The following TRAF7 variants were observed in gnomAD, a reference collection of about 807,000 sequenced individuals.
The protein encoded by TRAF7 is E3 ubiquitin-protein ligase TRAF7.
A neutral mutation model predicts 89.3 loss-of-function variants in TRAF7; 45 were observed. The ratio of observed to expected loss-of-function variants is 0.50; its 90% CI spans 0.40 to 0.65. TRAF7 has a LOEUF of 0.65. Among genes scored for constraint, TRAF7 ranks in the 30% least tolerant of loss-of-function variants. The pLI, the probability that TRAF7 is intolerant of heterozygous loss-of-function variation, is 0.00. For missense variants in TRAF7, 677 were observed against 918.1 expected, an observed-to-expected ratio of 0.74 and a Z score of 3.39; for synonymous variants, 406 against 369.2, an observed-to-expected ratio of 1.10 and a Z score of -1.14.
At chr16:2,165,803 A>G (rs1303353821) in intron 2 of TRAF7, 76 bp from the exon 3 acceptor site, 1 of 1,575,606 alleles carries the variant, frequency 6.3e-7, no homozygotes. Context: ...CGTGTTAGGC[A>G]TGTGAGTGGG....
chr16:2,175,725 C>T (rs1189238771), intron 17 of TRAF7, 103 bp downstream of exon 17: 2 of 1,587,734 alleles, frequency 1.3e-6, no homozygotes, highest in Non-Finnish European at 1.7e-6. Flanking sequence ...CTTCGCACAT[C>T]CCCTGGCTGG....
chr16:2,166,539 G>A (rs1212008270), intron 3 of TRAF7, among the ~76,000 whole-genome samples: 38 of 152,012 alleles, frequency 2.5e-4, no homozygotes, highest in Non-Finnish European at 2.9e-5. Flanking sequence ...CAGGTAGCTG[G>A]GACCACAGGC....
chr16:2,168,313 C>T lies in TRAF7; in HGVS notation c.231+145C>T. On this transcript the variant is annotated intron_variant, in intron 4 of 20. Transcript: ENST00000326181. The surrounding 1 kb of genome is among the most constrained non-coding windows in gnomAD (Gnocchi z 4.1). ...ACCTGTGGATACCCTGAGGCCTCGG[C>T]AGACATGGCAAGTCTGTGAGAAAGG... 3.2e-6 allele frequency: 2 copies of T among 633,758 alleles called. No homozygotes were observed. Among genetic ancestry groups the T allele is most frequent in the South Asian group, 4.0e-5 (2 of 49,886 alleles). 39.3% of individuals were successfully genotyped at this position (633,758 alleles called of 1,614,324 possible).
Position 2,161,750 on chromosome 16 carries a change from C to T in TRAF7, c.-38-2133C>T, listed in dbSNP as rs930576675. Among the ~76,000 whole-genome samples, 2 of 152,232 alleles carry T rather than the reference C, an allele frequency of 1.3e-5. No individual in the cohort carries two copies. Among genetic ancestry groups the T allele is most frequent in the Non-Finnish European group, 2.9e-5 (2 of 68,032 alleles). ...TCAGGCTATCAGGGCCTTACCCCAG[C>T]TGGGACATCCTCACCCCAAGCACAA... On this transcript the variant is annotated intron_variant, in intron 1 of 20. Coordinates refer to ENST00000326181, the MANE Select transcript of TRAF7 (RefSeq NM_032271.3). The surrounding 1 kb of genome is among the most constrained non-coding windows in gnomAD (Gnocchi z 5.2).
chr16:2,161,106 C>G lies in TRAF7; in HGVS notation c.-38-2777C>G, dbSNP rs1042276604. 1.3e-5 allele frequency among the ~76,000 whole-genome samples: 2 copies of G among 152,126 alleles called. No homozygotes were observed. Among genetic ancestry groups the G allele is most frequent in the Non-Finnish European group, 2.9e-5 (2 of 67,998 alleles). Reference sequence around the variant, plus strand: ...CCAGGGTCCCGCCCGCCTCCATGTCCCTGGCTGGGGCTGAACACTGAACCC... The same window carrying G: ...CCAGGGTCCCGCCCGCCTCCATGTCGCTGGCTGGGGCTGAACACTGAACCC... On this transcript the variant is annotated intron_variant, in intron 1 of 20. Transcript: ENST00000326181. The surrounding 1 kb of genome is among the most constrained non-coding windows in gnomAD (Gnocchi z 5.2).
intron 4 of TRAF7, among the ~76,000 whole-genome samples, chr16:2,170,201 T>G (rs1016143762): frequency 6.6e-6 from 1 of 152,150 alleles, no homozygotes; most frequent in African/African-American, 2.4e-5. Flanking sequence ...CAGCCGTCGC[T>G]CCCTGCCAGC....
Position 2,161,199 on chromosome 16 carries a change from C to G in TRAF7, c.-38-2684C>G, listed in dbSNP as rs2066752835. Among the ~76,000 whole-genome samples, 1 of 135,724 alleles carries G rather than the reference C, an allele frequency of 7.4e-6. No homozygotes were observed. The highest frequency in any genetic ancestry group is 2.7e-5 in the African/African-American group (1 of 37,202). The allele number at this position is 135,724 out of a possible 152,430, so 89.0% of individuals were successfully genotyped here. On this transcript the variant is annotated intron_variant, in intron 1 of 20. Transcript: ENST00000326181. This position sits in a 1 kb window ranked among gnomAD's most constrained non-coding sequence, Gnocchi z 5.2. ...CTTCCCTCCCTCCTTCCGTCCCCCT[C>G]CCTCCCTCCGTCCCCCTGCTTCCCT...
intron 2 of TRAF7, among the ~76,000 whole-genome samples, 170 bp downstream of exon 2, chr16:2,164,171 C>T (rs542563392): frequency 0.026 from 3,086 of 119,042 alleles, 133 homozygotes; most frequent in African/African-American, 0.096. Context: ...CGCGCGCGCG[C>T]GCGCGCGCGC....
chr16:2,170,929 C>G (rs577013585), intron 5 of TRAF7, among the ~76,000 whole-genome samples, 199 bp downstream of exon 5: 2 of 152,356 alleles, frequency 1.3e-5, no homozygotes, highest in East Asian at 3.9e-4. Context: ...TTCCCCCACT[C>G]CCCCTTCTCA....
In TRAF7 at chr16:2,158,184, A is replaced by G. The variant is rs2093043510; in HGVS notation, c.-39+2326A>G. On this transcript the variant is annotated intron_variant, in intron 1 of 20. Transcript: ENST00000326181. This position sits in a 1 kb window ranked among gnomAD's most constrained non-coding sequence, Gnocchi z 4.7. Reference sequence around the variant, plus strand: ...GAGAGCTGTTGGCTGCGTGTGTCTCAGTCCGGCCTTCTCAGTGGGTGGGCA... The same window carrying G: ...GAGAGCTGTTGGCTGCGTGTGTCTCGGTCCGGCCTTCTCAGTGGGTGGGCA... 6.6e-6 allele frequency among the ~76,000 whole-genome samples: 1 copy of G among 152,142 alleles called. No homozygotes were observed. The highest frequency in any genetic ancestry group is 1.5e-5 in the Non-Finnish European group (1 of 68,016).
chr16:2,157,009 G>A (rs763761306), intron 1 of TRAF7, among the ~76,000 whole-genome samples: 4 of 152,130 alleles, frequency 2.6e-5, no homozygotes, highest in Non-Finnish European at 5.9e-5. Context: ...AGCCCACCCT[G>A]CTCTTGGGGG....
intron 6 of TRAF7, 28 bp from the exon 7 acceptor site, chr16:2,171,544 C>T: frequency 6.2e-7 from 1 of 1,613,178 alleles, no homozygotes; most frequent in Non-Finnish European, 8.5e-7. Flanking sequence ...CCCTGCGCCA[C>T]CCTCAAGCCC....
rs557749310 is a variant in TRAF7 at position 2,177,106 on chromosome 16, C to A, written c.*532C>A. On this transcript the variant is annotated 3_prime_UTR_variant, in exon 21 of 21. Coordinates refer to ENST00000326181, the MANE Select transcript of TRAF7 (RefSeq NM_032271.3). ...CTCCCCTCCCTGCTAGGAGGCAACT[C>A]GTCACACCCAAGCTGCTGGCCTCCA... 7.4e-6 allele frequency: 2 copies of A among 269,436 alleles called. No individual in the cohort carries two copies. Among genetic ancestry groups the A allele is most frequent in the Admixed American group, 4.8e-5 (1 of 21,020 alleles). The allele number at this position is 269,436 out of a possible 1,614,324, so 16.7% of individuals were successfully genotyped here.
In TRAF7 at chr16:2,176,398, G is replaced by A. The variant is rs1238695344; in HGVS notation, c.1998+14G>A. 1.9e-6 allele frequency: 3 copies of A among 1,610,402 alleles called. No individual in the cohort carries two copies. Among genetic ancestry groups the A allele is most frequent in the South Asian group, 1.1e-5 (1 of 90,976 alleles). On this transcript the variant is annotated intron_variant, in intron 20 of 20. Transcript: ENST00000326181. ...AGCACTGTGAAGGTCAGTGCCCGTG[G>A]CTCAGGCCATTCAAAGGGGCTGCAC...
At position 2,161,293 on chromosome 16, in the gene TRAF7, C is replaced by T. The variant is rs1461166985; in HGVS notation, c.-38-2590C>T. On this transcript the variant is annotated intron_variant, in intron 1 of 20. Coordinates refer to ENST00000326181, the MANE Select transcript of TRAF7 (RefSeq NM_032271.3). The surrounding 1 kb of genome is among the most constrained non-coding windows in gnomAD (Gnocchi z 5.2). ...TCAGCTGGCGCTCGATGGGGTCTTG[C>T]GCACACCCCACAGATCCTGTGGTGT... Among the ~76,000 whole-genome samples the T allele has an allele frequency of 2.6e-5, 4 of 151,084 alleles. No homozygotes were observed. The highest frequency in any genetic ancestry group is 2.1e-4 in the South Asian group (1 of 4,784).
Position 2,178,016 on chromosome 16 carries a change from G to A in TRAF7, c.*1442G>A, listed in dbSNP as rs768539963. ...TTCAGTTGGTAAATGGTTTTCTATAGAATCAATAATATTTCTTTCTTTAAA... is the reference window on the plus strand; with the variant it reads ...TTCAGTTGGTAAATGGTTTTCTATAAAATCAATAATATTTCTTTCTTTAAA... On this transcript the variant is annotated 3_prime_UTR_variant, in exon 21 of 21. Coordinates refer to ENST00000326181, the MANE Select transcript of TRAF7 (RefSeq NM_032271.3). 5 of 422,304 alleles carry A rather than the reference G, an allele frequency of 1.2e-5. No homozygotes were observed. The highest frequency in any genetic ancestry group is 6.7e-5 in the Admixed American group (2 of 29,742). 26.2% of individuals were successfully genotyped at this position (422,304 alleles called of 1,614,324 possible).
intron 20 of TRAF7, 23 bp downstream of exon 20, chr16:2,176,407 A>C (rs761703419): frequency 6.8e-6 from 11 of 1,611,090 alleles, no homozygotes; most frequent in Non-Finnish European, 9.3e-6. Context: ...GGCTCAGGCC[A>C]TTCAAAGGGG....
At chr16:2,170,125 G>C (rs943860668) in intron 4 of TRAF7, among the ~76,000 whole-genome samples, 1 of 152,146 alleles carries the variant, frequency 6.6e-6, no homozygotes, top group Non-Finnish European at 1.5e-5. Context: ...GAGCCTCCCA[G>C]CTGGGCCTGG....
chr16:2,176,816 A>G lies in TRAF7; in HGVS notation c.*242A>G. 1 of 602,066 alleles carries G rather than the reference A, an allele frequency of 1.7e-6. No individual in the cohort carries two copies. Among genetic ancestry groups the G allele is most frequent in the South Asian group, 1.9e-5 (1 of 52,344 alleles). 37.3% of individuals were successfully genotyped at this position (602,066 alleles called of 1,614,324 possible). A position where few individuals can be genotyped will look rare whatever the true frequency, so the allele number is the denominator to read the frequency against. On this transcript the variant is annotated 3_prime_UTR_variant, in exon 21 of 21. Transcript: ENST00000326181. ...CGACGCTTGCCCCGGCCCACCCTCC[A>G]TCCCCACCCTCCATCCCCACCCTAG...
Sources: allele counts gnomAD v4.1 joint callset (sites outside exome capture counted in the v4.1 genomes callset), GRCh38; gene constraint gnomAD v4.1.1; non-coding constraint Gnocchi (gnomAD v3.1); transcripts MANE v1.5; gene names NCBI Gene and HGNC (gene_info 2026-07-23, HGNC 2026-07-21).